Variants in FAM200B observed in about 807,000 individuals in gnomAD.
The protein encoded by FAM200B is protein FAM200B.
FAM200B carries 32 observed loss-of-function variants against 33.1 expected under a neutral mutation model. That is an observed-to-expected ratio of 0.97 (90% CI 0.73 to 1.30). The LOEUF is 1.30. Among genes scored for constraint, FAM200B ranks in the 50% most tolerant of loss-of-function variants. The pLI is 0.00. For synonymous variants in FAM200B, 240 were observed against 264.8 expected (o/e 0.91, Z 0.91); for missense variants, 741 against 754.0 (o/e 0.98, Z 0.20).
chr4:15,645,402 T>TAC, the FAM200B span, among the ~76,000 whole-genome samples: 1 of 152,204 alleles, frequency 6.6e-6, no homozygotes, highest in Non-Finnish European at 1.5e-5. Flanking sequence ...ATTACTTAAC[T>TAC]GTGTAACCCT....
chr4:15,652,463 C>G, the FAM200B span, among the ~76,000 whole-genome samples: 20,737 of 152,000 alleles, frequency 0.14, 1,521 homozygotes, highest in Non-Finnish European at 0.15. Flanking sequence ...GTCTGGATAA[C>G]AAAGGTGAAA....
chr4:15,654,678 G>A, the FAM200B span, among the ~76,000 whole-genome samples: 1 of 152,218 alleles, frequency 6.6e-6, no homozygotes, highest in Non-Finnish European at 1.5e-5. Context: ...CCGGGTAGCT[G>A]GGAGACGCTG....
the FAM200B span, among the ~76,000 whole-genome samples, chr4:15,645,853 T>G: frequency 6.6e-6 from 1 of 152,246 alleles, no homozygotes; most frequent in African/African-American, 2.4e-5. Flanking sequence ...TATTCATTTT[T>G]TATAAATTCA....
chr4:15,656,954 A>G, the FAM200B span, among the ~76,000 whole-genome samples: 1 of 152,316 alleles, frequency 6.6e-6, no homozygotes, highest in Admixed American at 6.5e-5. Context: ...CAGTACCCCC[A>G]GAGTCATTGC....
At chr4:15,664,996 C>T in the FAM200B span, among the ~76,000 whole-genome samples, 1 of 152,072 alleles carries the variant, frequency 6.6e-6, no homozygotes, top group Non-Finnish European at 1.5e-5. Flanking sequence ...TCAGCAAAAT[C>T]TCCCCACCCT....
the FAM200B span, among the ~76,000 whole-genome samples, chr4:15,638,099 G>A: frequency 1.3e-3 from 200 of 152,078 alleles, 2 homozygotes; most frequent in African/African-American, 4.6e-3. Context: ...AAAAACACAA[G>A]GAAAGAGAAA....
At chr4:15,637,401 T>C in the FAM200B span, among the ~76,000 whole-genome samples, 1 of 152,146 alleles carries the variant, frequency 6.6e-6, no homozygotes, top group African/African-American at 2.4e-5. Context: ...AGTGTTACAA[T>C]AAAAAATATA....
At chr4:15,669,610 C>G in the FAM200B span, among the ~76,000 whole-genome samples, 145 of 152,230 alleles carry the variant, frequency 9.5e-4, 1 homozygote, top group East Asian at 0.026. Flanking sequence ...TCCCCTTTTA[C>G]CCAATACTTG....
chr4:15,651,243 T>C, the FAM200B span, among the ~76,000 whole-genome samples: 6 of 152,246 alleles, frequency 3.9e-5, no homozygotes, highest in African/African-American at 9.6e-5. Flanking sequence ...CATAAAATCA[T>C]AGAGCTACCA....
At chr4:15,672,040 A>G in the FAM200B span, among the ~76,000 whole-genome samples, 12 of 152,216 alleles carry the variant, frequency 7.9e-5, no homozygotes, top group Middle Eastern at 3.4e-3. Context: ...TGTGGATTTT[A>G]CCTTTCTAGG....
chr4:15,640,911 TA>T, the FAM200B span: 1 of 1,270,622 alleles, frequency 7.9e-7, no homozygotes, highest in Non-Finnish European at 1.1e-6. Flanking sequence ...AATACATTTT[TA>T]TAAAAGTTTC....
the FAM200B span, among the ~76,000 whole-genome samples, chr4:15,669,726 C>G: frequency 4.6e-5 from 7 of 152,148 alleles, no homozygotes; most frequent in Non-Finnish European, 1.0e-4. Context: ...ATACTCAATA[C>G]TAGTTGGTCA....
chr4:15,660,898 G>A, the FAM200B span, among the ~76,000 whole-genome samples: 1 of 151,946 alleles, frequency 6.6e-6, no homozygotes, highest in African/African-American at 2.4e-5. Flanking sequence ...GCAACATGGC[G>A]AAACTCCATC....
At chr4:15,665,568 T>C in the FAM200B span, among the ~76,000 whole-genome samples, 3 of 151,934 alleles carry the variant, frequency 2.0e-5, no homozygotes, top group East Asian at 5.8e-4. Flanking sequence ...ATAACCCAAG[T>C]TTATATTTGT....
chr4:15,646,418 T>C, the FAM200B span, among the ~76,000 whole-genome samples: 3 of 151,750 alleles, frequency 2.0e-5, no homozygotes, highest in Admixed American at 1.3e-4. Context: ...ATAAAATCTA[T>C]TGGTGGCTAA....
chr4:15,666,843 T>G, the FAM200B span, among the ~76,000 whole-genome samples: 1 of 150,000 alleles, frequency 6.7e-6, no homozygotes, highest in Non-Finnish European at 1.5e-5. Context: ...TAAACTAAAC[T>G]AAGAGTAAAT....
the FAM200B span, among the ~76,000 whole-genome samples, chr4:15,658,561 A>T: frequency 0.048 from 7,240 of 151,854 alleles, 616 homozygotes; most frequent in East Asian, 0.31. Flanking sequence ...CTGTGCCAGC[A>T]TGCTGAGTCC....
the FAM200B span, among the ~76,000 whole-genome samples, chr4:15,651,514 A>G: frequency 2.0e-5 from 3 of 152,186 alleles, no homozygotes; most frequent in East Asian, 1.9e-4. Flanking sequence ...TCTCAATTCA[A>G]TATTTTCTCC....
At chr4:15,646,989 G>A in the FAM200B span, among the ~76,000 whole-genome samples, 6 of 151,918 alleles carry the variant, frequency 3.9e-5, no homozygotes, top group African/African-American at 1.5e-4. Flanking sequence ...TTGAGAGGCT[G>A]AGGTGAGTGG....
Sources: gnomAD v4.1 joint callset for allele counts (sites outside exome capture counted in the v4.1 genomes callset) on GRCh38, gnomAD v4.1.1 for gene constraint, MANE v1.5 for transcripts, NCBI Gene and HGNC (gene_info 2026-07-23, HGNC 2026-07-21) for gene names.